Variants in CAMK1D observed in about 807,000 individuals in gnomAD.
CAMK1D encodes the protein calcium/calmodulin-dependent protein kinase type 1D.
Under a neutral mutation model 47.7 loss-of-function variants are expected in CAMK1D, and 9 were observed. The observed-to-expected ratio is 0.19, with a 90% confidence interval of 0.11 to 0.33. The LOEUF is 0.33. Ranked by LOEUF, CAMK1D falls within the 10% of genes least tolerant of loss-of-function variation. CAMK1D has a pLI of 1.00. For missense variants in CAMK1D, 291 were observed against 488.7 expected, an observed-to-expected ratio of 0.60 and a Z score of 3.81; for synonymous variants, 184 against 184.9, an observed-to-expected ratio of 0.99 and a Z score of 0.04.
At chr10:12,655,557 G>T (rs75937515) in intron 2 of CAMK1D, among the ~76,000 whole-genome samples, 7,343 of 152,292 alleles carry the variant, frequency 0.048, 246 homozygotes, top group Non-Finnish European at 0.072. Context: ...CTTTTGGAAG[G>T]TGAGAATTAA....
At chr10:12,419,273 A>T (rs1384862711) in intron 1 of CAMK1D, among the ~76,000 whole-genome samples, 2 of 152,132 alleles carry the variant, frequency 1.3e-5, no homozygotes, top group Admixed American at 6.5e-5. Context: ...AATAAAAGGC[A>T]AGAGTGAGAA....
intron 1 of CAMK1D, among the ~76,000 whole-genome samples, chr10:12,379,663 G>C (rs938992427): frequency 2.0e-5 from 3 of 152,138 alleles, no homozygotes; most frequent in African/African-American, 7.2e-5. Context: ...TGAGGTAGGA[G>C]AATTGCTTGA....
intron 1 of CAMK1D, among the ~76,000 whole-genome samples, chr10:12,550,149 G>T (rs1008495100): frequency 2.0e-5 from 3 of 152,192 alleles, no homozygotes; most frequent in African/African-American, 7.2e-5. Flanking sequence ...CTGCCAAAGG[G>T]CTTTTCCGCC....
intron 1 of CAMK1D, among the ~76,000 whole-genome samples, chr10:12,389,836 AT>A (rs112707574): frequency 4.6e-4 from 67 of 147,158 alleles, no homozygotes; most frequent in Admixed American, 6.8e-4. Flanking sequence ...TTGTCATTTG[AT>A]TTTTTTTTTT....
At chr10:12,363,243 T>TGAAAGGCATCTTGC in intron 1 of CAMK1D, among the ~76,000 whole-genome samples, 1 of 141,092 alleles carries the variant, frequency 7.1e-6, no homozygotes, top group East Asian at 2.0e-4. Flanking sequence ...ACCCGGCCTG[T>TGAAAGGCATCTTGC]TTTTTTTTTG....
At chr10:12,819,742 C>T (rs1832948839) in intron 8 of CAMK1D, among the ~76,000 whole-genome samples, 2 of 152,136 alleles carry the variant, frequency 1.3e-5, no homozygotes, top group African/African-American at 4.8e-5. Flanking sequence ...ACAACCCAAT[C>T]TGGTGGGAGA....
intron 6 of CAMK1D, among the ~76,000 whole-genome samples, chr10:12,802,769 C>G (rs755287734): frequency 6.6e-6 from 1 of 152,224 alleles, no homozygotes; most frequent in Non-Finnish European, 1.5e-5. Context: ...ATCCGTCCAC[C>G]GTGGCCTCCC....
chr10:12,696,269 G>T (rs1833292817), intron 3 of CAMK1D, among the ~76,000 whole-genome samples: 1 of 151,978 alleles, frequency 6.6e-6, no homozygotes, highest in South Asian at 2.1e-4. Flanking sequence ...AGGCCTGGTG[G>T]CTCATGCCCG....
intron 1 of CAMK1D, among the ~76,000 whole-genome samples, chr10:12,393,027 C>CTTTTTTTTTTTTTTTTTTTTTT (rs542625511): frequency 7.0e-6 from 1 of 143,788 alleles, no homozygotes. Flanking sequence ...TGAAACATAA[C>CTTTTTTTTTTTTTTTTTTTTTT]TTTTTTTTTT....
At chr10:12,352,228 A>C (rs1018537548) in intron 1 of CAMK1D, among the ~76,000 whole-genome samples, 9 of 152,220 alleles carry the variant, frequency 5.9e-5, no homozygotes, top group Non-Finnish European at 1.0e-4. Flanking sequence ...GGGTTGACAC[A>C]CTTTGTAGAT....
rs143667370 is a variant in CAMK1D, at chr10:12,693,219, G to A, written c.299+26409G>A. Among the ~76,000 whole-genome samples the A allele has an allele frequency of 1.7e-3, 258 of 152,230 alleles. 1 individual carries two copies. The Middle Eastern group carries it at 0.017, about 10-fold the overall frequency. On this transcript the variant is annotated intron_variant, in intron 3 of 10. Transcript: ENST00000619168. ...TCTCTATTAAAAATACAAAAGATTA[G>A]CCGGGCATGGTGGCGTGCGCCTGTA...
intron 3 of CAMK1D, among the ~76,000 whole-genome samples, chr10:12,730,600 GGC>G (rs1290719955): frequency 2.0e-5 from 3 of 152,146 alleles, no homozygotes; most frequent in African/African-American, 4.8e-5. Flanking sequence ...CAGAGGGAAG[GGC>G]TACAGACTGA....
At chr10:12,440,743 A>C (rs189583207) in intron 1 of CAMK1D, among the ~76,000 whole-genome samples, 2 of 152,252 alleles carry the variant, frequency 1.3e-5, no homozygotes, top group African/African-American at 4.8e-5. Context: ...GGCAACACAC[A>C]GGTGATAAAA....
At chr10:12,350,389 A>G (rs913476235) in intron 1 of CAMK1D, among the ~76,000 whole-genome samples, 1 of 152,244 alleles carries the variant, frequency 6.6e-6, no homozygotes, top group Non-Finnish European at 1.5e-5. Context: ...ATCTGCACGT[A>G]CGAGGTGTAG....
intron 2 of CAMK1D, among the ~76,000 whole-genome samples, chr10:12,588,789 T>C (rs7076711): frequency 0.45 from 65,379 of 145,196 alleles, 15,202 homozygotes; most frequent in Non-Finnish European, 0.54. Context: ...TATATATATA[T>C]ACACACACAC....
intron 3 of CAMK1D, among the ~76,000 whole-genome samples, chr10:12,680,111 C>T (rs1250357269): frequency 6.6e-6 from 1 of 152,152 alleles, no homozygotes; most frequent in Non-Finnish European, 1.5e-5. Flanking sequence ...TTATGGAGTC[C>T]CCACCATGGG....
chr10:12,602,275 G>T (rs1838326036), intron 2 of CAMK1D, among the ~76,000 whole-genome samples: 1 of 152,094 alleles, frequency 6.6e-6, no homozygotes, highest in Middle Eastern at 3.4e-3. Flanking sequence ...ATATTGCCCA[G>T]ACCTGGTCTC....
At chr10:12,424,115 T>G (rs1257061725) in intron 1 of CAMK1D, among the ~76,000 whole-genome samples, 1 of 152,132 alleles carries the variant, frequency 6.6e-6, no homozygotes, top group African/African-American at 2.4e-5. Flanking sequence ...CCGGGGCCAC[T>G]CGGTGGGATA....
chr10:12,459,173 C>T (rs968642283), intron 1 of CAMK1D, among the ~76,000 whole-genome samples: 1 of 151,984 alleles, frequency 6.6e-6, no homozygotes, highest in Non-Finnish European at 1.5e-5. Context: ...GCCACGGTGC[C>T]GGGCCAGGAT....
Sources: allele counts gnomAD v4.1 joint callset (sites outside exome capture counted in the v4.1 genomes callset), GRCh38; gene constraint gnomAD v4.1.1; transcripts MANE v1.5; gene names NCBI Gene and HGNC (gene_info 2026-07-23, HGNC 2026-07-21).